GRAMD1B: variants seen among roughly 807,000 people sequenced by gnomAD.
The protein encoded by GRAMD1B is protein Aster-B.
GRAMD1B carries 37 observed loss-of-function variants against 99.7 expected under a neutral mutation model. The observed-to-expected ratio is 0.37, with a 90% CI of 0.29 to 0.49. GRAMD1B has a LOEUF of 0.49. GRAMD1B is among the 20% of genes least tolerant of loss of function. GRAMD1B has a pLI of 0.98. For synonymous variants in GRAMD1B, 427 were observed against 387.6 expected, an observed-to-expected ratio of 1.10 and a Z score of -1.19; for missense variants, 888 against 1,009.2, an observed-to-expected ratio of 0.88 and a Z score of 1.63.
intron 4 of GRAMD1B, among the ~76,000 whole-genome samples, chr11:123,589,637 T>TATATATATATATATATATATATA (rs1565424189): frequency 3.4e-5 from 5 of 147,380 alleles, no homozygotes; most frequent in African/African-American, 1.3e-4. Flanking sequence ...TATATATATA[T>TATATATATATATATATATATATA]TTGTAGTAGA....
chr11:123,607,129 C>T (rs1952855838), intron 11 of GRAMD1B, among the ~76,000 whole-genome samples: 1 of 152,168 alleles, frequency 6.6e-6, no homozygotes, highest in Non-Finnish European at 1.5e-5. Flanking sequence ...CAGTCAGCTG[C>T]TCCCTGGAAA....
chr11:123,474,738 C>T (rs868525619), intron 1 of GRAMD1B, among the ~76,000 whole-genome samples: 1 of 88,436 alleles, frequency 1.1e-5, no homozygotes, highest in African/African-American at 4.3e-5. Context: ...AACAAAGACA[C>T]AAAGACATCT....
chr11:123,435,937 C>CTTTTTT lies in GRAMD1B; in HGVS notation c.374+4789_374+4794dup, dbSNP rs10647186. On this transcript the variant is annotated intron_variant, in intron 1 of 19. Coordinates refer to ENST00000635736, the MANE Select transcript of GRAMD1B (RefSeq NM_001387025.1). Reference sequence around the variant, plus strand: ...TTGTTGCCCCACAAAGAAACTCATACTTTTTTTTTTTTTTTTTTTTTTTGA... The same window carrying CTTTTTT: ...TTGTTGCCCCACAAAGAAACTCATACTTTTTTTTTTTTTTTTTTTTTTTTTTTTTGA... Among the ~76,000 whole-genome samples, 49 of 95,726 alleles carry CTTTTTT rather than the reference C, an allele frequency of 5.1e-4. 1 individual carries two copies. Among genetic ancestry groups the CTTTTTT allele is most frequent in the African/African-American group, 9.2e-4 (23 of 25,042 alleles). The allele number at this position is 95,726 out of a possible 152,430, so 62.8% of individuals were successfully genotyped here.
At chr11:123,560,180 TGC>T (rs1946576233) in intron 2 of GRAMD1B, 3 of 581,262 alleles carry the variant, frequency 5.2e-6, no homozygotes, top group Non-Finnish European at 6.3e-6. Flanking sequence ...GCGACGTGTG[TGC>T]GTGTGTGCGC....
chr11:123,512,410 G>T (rs1168651989), intron 2 of GRAMD1B, among the ~76,000 whole-genome samples: 3 of 152,216 alleles, frequency 2.0e-5, no homozygotes, highest in African/African-American at 7.2e-5. Flanking sequence ...GTTTGGAAAG[G>T]TCTGTTTAGT....
At chr11:123,410,362 G>T (rs183873458) in intron 1 of GRAMD1B, among the ~76,000 whole-genome samples, 1 of 152,194 alleles carries the variant, frequency 6.6e-6, no homozygotes, top group Non-Finnish European at 1.5e-5. Context: ...GTTATGATGG[G>T]GTGGAAGGGA....
intron 1 of GRAMD1B, among the ~76,000 whole-genome samples, chr11:123,455,957 G>A (rs1159673427): frequency 6.6e-6 from 1 of 151,864 alleles, no homozygotes; most frequent in African/African-American, 2.4e-5. Context: ...ATCATTTGAG[G>A]TCAGGAGTTC....
At chr11:123,545,397 A>G (rs537909567) in intron 2 of GRAMD1B, among the ~76,000 whole-genome samples, 1 of 152,344 alleles carries the variant, frequency 6.6e-6, no homozygotes, top group South Asian at 2.1e-4. Context: ...CCACTGACTT[A>G]GTGATTCCCA....
intron 2 of GRAMD1B, among the ~76,000 whole-genome samples, chr11:123,491,394 C>T (rs1938541075): frequency 1.3e-5 from 2 of 152,150 alleles, no homozygotes; most frequent in Non-Finnish European, 2.9e-5. Flanking sequence ...GACTCACGGA[C>T]ATTCCCGTGA....
chr11:123,570,167 T>C (rs1424292473), intron 2 of GRAMD1B, among the ~76,000 whole-genome samples: 1 of 152,150 alleles, frequency 6.6e-6, no homozygotes, highest in Non-Finnish European at 1.5e-5. Flanking sequence ...AACTTCAGAG[T>C]GCTTCAGAAT....
rs141658164 is a variant in GRAMD1B at position 123,610,941 on chromosome 11, A to G, written c.1919+603A>G. 5.6e-4 allele frequency among the ~76,000 whole-genome samples: 85 copies of G among 152,328 alleles called. No homozygotes were observed. The highest frequency in any genetic ancestry group is 1.9e-3 in the African/African-American group (80 of 41,566). ...GGCACTGTGAAGTGCTTCCAAAGGA[A>G]GGAAGACATTTAGACCCTGACATTT... On this transcript the variant is annotated intron_variant, in intron 14 of 19. Transcript: ENST00000635736. This position sits in a 1 kb window ranked among gnomAD's most constrained non-coding sequence, Gnocchi z 4.1.
chr11:123,468,583 C>T (rs563198257), intron 1 of GRAMD1B, among the ~76,000 whole-genome samples: 3 of 152,018 alleles, frequency 2.0e-5, no homozygotes, highest in East Asian at 3.9e-4. Context: ...TCCTTGAGTC[C>T]AGGAGTTCAA....
chr11:123,573,681 T>C (rs1355077409), intron 2 of GRAMD1B, among the ~76,000 whole-genome samples: 1 of 152,216 alleles, frequency 6.6e-6, no homozygotes, highest in African/African-American at 2.4e-5. Context: ...TCTTTGCAAC[T>C]TCATGGGTTT....
intron 1 of GRAMD1B, among the ~76,000 whole-genome samples, chr11:123,414,815 A>T (rs1287751208): frequency 6.6e-6 from 1 of 152,194 alleles, no homozygotes; most frequent in East Asian, 1.9e-4. Flanking sequence ...CACGATTGAG[A>T]TAATGAGCAA....
At chr11:123,481,906 A>G (rs1167413385) in intron 2 of GRAMD1B, among the ~76,000 whole-genome samples, 1 of 152,156 alleles carries the variant, frequency 6.6e-6, no homozygotes, top group Non-Finnish European at 1.5e-5. Flanking sequence ...GTTTTTATCA[A>G]CAAGCTGGGT....
intron 2 of GRAMD1B, among the ~76,000 whole-genome samples, chr11:123,555,595 T>G (rs1946105048): frequency 6.6e-6 from 1 of 152,134 alleles, no homozygotes; most frequent in Non-Finnish European, 1.5e-5. Context: ...GTGATGCACC[T>G]GCCTCAGCCT....
chr11:123,437,429 GGTGA>G (rs1333202712), intron 1 of GRAMD1B, among the ~76,000 whole-genome samples: 17 of 152,308 alleles, frequency 1.1e-4, no homozygotes, highest in African/African-American at 3.8e-4. Context: ...GCTGACGACG[GGTGA>G]GTGAGTTGGG....
At chr11:123,375,807 T>C (rs1946673246) in intron 1 of GRAMD1B, among the ~76,000 whole-genome samples, 1 of 152,160 alleles carries the variant, frequency 6.6e-6, no homozygotes, top group African/African-American at 2.4e-5. Flanking sequence ...ATGATGGGAA[T>C]GGGGTAGATG....
intron 2 of GRAMD1B, among the ~76,000 whole-genome samples, chr11:123,519,020 C>G (rs1032797941): frequency 1.3e-5 from 2 of 152,232 alleles, no homozygotes; most frequent in Non-Finnish European, 2.9e-5. Context: ...TTGAAGCAAA[C>G]AGCCCCGCTT....
Sources: allele counts gnomAD v4.1 joint callset (sites outside exome capture counted in the v4.1 genomes callset), GRCh38; gene constraint gnomAD v4.1.1; non-coding constraint Gnocchi (gnomAD v3.1); transcripts MANE v1.5; gene names NCBI Gene and HGNC (gene_info 2026-07-23, HGNC 2026-07-21).